The following WDR19 variants were observed in gnomAD, a reference collection of about 807,000 sequenced individuals.
WDR19 encodes WD repeat domain 19, also known as WD repeat-containing protein 19.
In WDR19, 121 loss-of-function variants were observed where a neutral mutation model predicts 180.0. The observed-to-expected ratio is 0.67, with a 90% CI of 0.58 to 0.78. WDR19 has a LOEUF of 0.78. Ranked by LOEUF, WDR19 falls within the 30% of genes least tolerant of loss-of-function variation. The pLI, the probability that WDR19 is intolerant of heterozygous loss-of-function variation, is 0.00. For synonymous variants in WDR19, 497 were observed against 540.7 expected (o/e 0.92, Z 1.12); for missense variants, 1,450 against 1,640.7 (o/e 0.88, Z 2.01).
chr4:39,203,053 A>G (rs991682520), intron 6 of WDR19, among the ~76,000 whole-genome samples: 1 of 151,776 alleles, frequency 6.6e-6, no homozygotes, highest in African/African-American at 2.4e-5. Context: ...ACCTCAGACT[A>G]TAATGAGAAT....
intron 14 of WDR19, among the ~76,000 whole-genome samples, chr4:39,220,499 T>C (rs1045095252): frequency 3.1e-4 from 47 of 150,174 alleles, no homozygotes; most frequent in African/African-American, 1.1e-3. Flanking sequence ...GTTTTTTAAA[T>C]TATTTTTCTT....
rs1397294886 is a variant in WDR19, at chr4:39,218,047, A to G, written c.1421A>G (p.Asp474Gly). The G allele has an allele frequency of 1.2e-6, 2 of 1,613,988 alleles. No homozygotes were observed. The highest frequency in any genetic ancestry group is 1.1e-5 in the South Asian group (1 of 91,082). The part of the protein sequence containing the change: ...RETRLFPAVD[D>G]KCRILCHALT... ...ACTCGGCTTTTCCCAGCAGTGGATG[A>G]TAAGTGCCGTATCTTATGCCATGCC... The change falls in exon 14 of 37, where the codon GAT (aspartate) becomes GGT (glycine). Residue 474 changes from aspartate to glycine, a missense_variant. Physicochemically the swap from Asp to Gly is moderately conservative, Grantham distance 94. Coordinates refer to ENST00000399820, the MANE Select transcript of WDR19 (RefSeq NM_025132.4).
chr4:39,249,489 AAGATC>A (rs1423796281), intron 24 of WDR19, among the ~76,000 whole-genome samples: 1 of 152,228 alleles, frequency 6.6e-6, no homozygotes, highest in Non-Finnish European at 1.5e-5. Flanking sequence ...AGAAATAACT[AAGATC>A]AGAGCAGAAC....
chr4:39,280,541 G>A (rs771205221), intron 36 of WDR19, among the ~76,000 whole-genome samples: 6 of 151,422 alleles, frequency 4.0e-5, no homozygotes, highest in African/African-American at 7.3e-5. Context: ...TGTAGTCCCC[G>A]CTGCTTGGGA....
Position 39,228,273 on chromosome 4 carries a change from A to G in WDR19, c.1693A>G (p.Asn565Asp). 1 of 1,613,634 alleles carries G rather than the reference A, an allele frequency of 6.2e-7. No homozygotes were observed. Among genetic ancestry groups the G allele is most frequent in the South Asian group, 1.1e-5 (1 of 91,034 alleles). ...AACCATTAAAGGTGTTCTTTGGGAAAACTGGCCAATGGATAAAGGTGTATT... is the reference window on the plus strand; with the variant it reads ...AACCATTAAAGGTGTTCTTTGGGAAGACTGGCCAATGGATAAAGGTGTATT... ...SPTIKGVLWENWPMDKGVFIA... is the reference protein window; with the variant it reads ...SPTIKGVLWEDWPMDKGVFIA... The change falls in exon 16 of 37, where the codon AAC becomes GAC. Residue 565 changes from asparagine to aspartate, a missense_variant. Transcript: ENST00000399820.
chr4:39,183,533 G>GCAC (rs1430392351), intron 1 of WDR19, among the ~76,000 whole-genome samples: 4 of 152,144 alleles, frequency 2.6e-5, no homozygotes, highest in African/African-American at 9.7e-5. Context: ...ACAGGCGTGA[G>GCAC]CCACCGCGCC....
chr4:39,189,160 G>A (rs556396709), intron 3 of WDR19, among the ~76,000 whole-genome samples: 41 of 152,204 alleles, frequency 2.7e-4, no homozygotes, highest in Non-Finnish European at 4.7e-4. Context: ...CTGACCTCAG[G>A]TGATCCGCTT....
Position 39,185,800 on chromosome 4 carries a change from C to T in WDR19, c.81C>T (p.Asn27=), listed in dbSNP as rs1351039516. 3.2e-6 allele frequency: 5 copies of T among 1,554,338 alleles called. No individual in the cohort carries two copies. Among genetic ancestry groups the T allele is most frequent in the Non-Finnish European group, 4.4e-6 (5 of 1,148,006 alleles). ...TTGCCTGGCAAAAAACATCAGGAAACTACCTTGCAGTAACAGGGTAAGAAA... is the reference window on the plus strand; with the variant it reads ...TTGCCTGGCAAAAAACATCAGGAAATTACCTTGCAGTAACAGGGTAAGAAA... ...IQFAWQKTSG[N]YLAVTGADYI... is the part of the protein sequence containing the mutation. The change falls in exon 2 of 37, where the codon AAC becomes AAT. Residue 27 remains asparagine (N), a synonymous_variant. Coordinates refer to ENST00000399820, the MANE Select transcript of WDR19 (RefSeq NM_025132.4).
In WDR19 at chr4:39,248,822, C is replaced by T. The variant is rs1271659225; in HGVS notation, c.2729+3370C>T. ...GAACTAACTATCCTAAATATATATG[C>T]AGCCAATACAGGAGCACCCAGATTC... On this transcript the variant is annotated intron_variant, in intron 24 of 36. Transcript: ENST00000399820. Among the ~76,000 whole-genome samples, 5 of 152,318 alleles carry T rather than the reference C, an allele frequency of 3.3e-5. No homozygotes were observed. In the East Asian group the frequency reaches 9.6e-4, roughly 29 times the overall value.
intron 25 of WDR19, 77 bp from the exon 26 acceptor site, chr4:39,253,829 G>T (rs1024153405): frequency 1.3e-4 from 163 of 1,292,946 alleles, no homozygotes; most frequent in Admixed American, 3.7e-4. Flanking sequence ...ATTTTTAAAT[G>T]GTTTCTCCTG....
intron 24 of WDR19, among the ~76,000 whole-genome samples, chr4:39,248,420 AAGGCT>A (rs1732771348): frequency 6.6e-6 from 1 of 152,186 alleles, no homozygotes; most frequent in African/African-American, 2.4e-5. Flanking sequence ...AAAGACCATC[AAGGCT>A]AGGAAGAAAC....
chr4:39,246,140 A>G (rs1458190338), intron 24 of WDR19, among the ~76,000 whole-genome samples: 1 of 152,240 alleles, frequency 6.6e-6, no homozygotes, highest in Non-Finnish European at 1.5e-5. Flanking sequence ...GCAACTTGTC[A>G]TATTTGGAAA....
chr4:39,238,854 C>CA (rs2109389247), intron 20 of WDR19, among the ~76,000 whole-genome samples: 1 of 152,154 alleles, frequency 6.6e-6, no homozygotes, highest in South Asian at 2.1e-4. Context: ...AGATAGATCC[C>CA]AAAAAGTATC....
chr4:39,195,387 C>CAAAAAAAAAAAAAAAAA (rs11372483), intron 5 of WDR19, among the ~76,000 whole-genome samples: 1 of 141,870 alleles, frequency 7.0e-6, no homozygotes, highest in African/African-American at 2.7e-5. Context: ...AACAAAAAAA[C>CAAAAAAAAAAAAAAAAA]AAACAAACAA....
At chr4:39,211,844 T>C (rs1728540231) in intron 9 of WDR19, among the ~76,000 whole-genome samples, 1 of 152,070 alleles carries the variant, frequency 6.6e-6, no homozygotes, top group African/African-American at 2.4e-5. Context: ...TTCCCCCAGG[T>C]TGATCTATTG....
chr4:39,261,265 T>C (rs1734272007), intron 28 of WDR19, among the ~76,000 whole-genome samples: 1 of 152,076 alleles, frequency 6.6e-6, no homozygotes, highest in South Asian at 2.1e-4. Flanking sequence ...GTGTTGGGAT[T>C]ACAGGCGTGA....
In WDR19 at chr4:39,182,689, G is replaced by A. The variant is rs113570141; in HGVS notation, c.6+126G>A. The A allele has an allele frequency of 8.5e-4, 1,218 of 1,433,154 alleles. 10 individuals are homozygous for A. The African/African-American group carries it at 0.015, about 18-fold the overall frequency. 88.8% of individuals were successfully genotyped at this position (1,433,154 alleles called of 1,614,324 possible). A position where few individuals can be genotyped will look rare whatever the true frequency, so the allele number is the denominator to read the frequency against. Reference sequence around the variant, plus strand: ...GTTGGAAATGAGGAAGAGAGAGAGAGAGAGAGGTGGCCAGAGAGAGCGGGG... The same window carrying A: ...GTTGGAAATGAGGAAGAGAGAGAGAAAGAGAGGTGGCCAGAGAGAGCGGGG... On this transcript the variant is annotated intron_variant, in intron 1 of 36. Transcript: ENST00000399820.
intron 7 of WDR19, 62 bp downstream of exon 7, chr4:39,203,784 T>G: frequency 6.8e-7 from 1 of 1,461,544 alleles, no homozygotes; most frequent in East Asian, 2.4e-5. Flanking sequence ...ATGTATAATT[T>G]ACTTTTCTTG....
chr4:39,234,733 C>T (rs1259663110), intron 19 of WDR19, 33 bp from the exon 20 acceptor site: 1 of 1,438,698 alleles, frequency 7.0e-7, no homozygotes, highest in South Asian at 1.2e-5. Context: ...TAATTTTGCT[C>T]ATTTGAAATT....
Sources: gnomAD v4.1 joint callset for allele counts (sites outside exome capture counted in the v4.1 genomes callset) on GRCh38, gnomAD v4.1.1 for gene constraint, MANE v1.5 for transcripts, NCBI Gene and HGNC (gene_info 2026-07-23, HGNC 2026-07-21) for gene names.